The following UVRAG variants were observed in gnomAD, a reference collection of about 807,000 sequenced individuals.
The protein encoded by UVRAG is UV radiation resistance-associated gene protein.
A neutral mutation model predicts 78.0 loss-of-function variants in UVRAG; 19 were observed. The observed-to-expected ratio is 0.24, with a 90% CI of 0.17 to 0.36. UVRAG has a LOEUF of 0.36. UVRAG is among the 10% of genes least tolerant of loss of function. The pLI, the probability that UVRAG is intolerant of heterozygous loss-of-function variation, is 1.00. For missense variants in UVRAG, 740 were observed against 853.8 expected (o/e 0.87, Z 1.66); for synonymous variants, 323 against 324.6 (o/e 1.00, Z 0.05).
At chr11:75,963,861 A>G (rs1290246662) in intron 7 of UVRAG, among the ~76,000 whole-genome samples, 1 of 152,076 alleles carries the variant, frequency 6.6e-6, no homozygotes, top group Non-Finnish European at 1.5e-5. Context: ...AGATCTCACT[A>G]TGTTGTCTGG....
At chr11:76,026,335 A>C (rs1480943538) in intron 12 of UVRAG, among the ~76,000 whole-genome samples, 1 of 152,140 alleles carries the variant, frequency 6.6e-6, no homozygotes, top group Admixed American at 6.6e-5. Context: ...ACCTGTTGAC[A>C]ACATCTTATA....
Position 75,928,443 on chromosome 11 carries a change from A to G in UVRAG, c.593+16404A>G, listed in dbSNP as rs185012875. Reference sequence around the variant, plus strand: ...TGTCCCAGAGGTCAAAGTAAATTAAATATTTCTAAGAGAGTGATTAATTGA... The same window carrying G: ...TGTCCCAGAGGTCAAAGTAAATTAAGTATTTCTAAGAGAGTGATTAATTGA... On this transcript the variant is annotated intron_variant, in intron 6 of 14. Coordinates refer to ENST00000356136, the MANE Select transcript of UVRAG (RefSeq NM_003369.4). 3.6e-3 allele frequency among the ~76,000 whole-genome samples: 555 copies of G among 152,272 alleles called. 6 individuals carry two copies. Among genetic ancestry groups the G allele is most frequent in the Non-Finnish European group, 3.5e-3 (240 of 68,008 alleles).
chr11:76,111,776 C>T (rs577129113), intron 13 of UVRAG, among the ~76,000 whole-genome samples: 2 of 152,050 alleles, frequency 1.3e-5, no homozygotes, highest in Admixed American at 6.5e-5. Flanking sequence ...TGAACCCTCC[C>T]CCCACAGCCA....
chr11:75,906,663 C>T (rs1040815174), intron 5 of UVRAG, among the ~76,000 whole-genome samples: 1 of 152,106 alleles, frequency 6.6e-6, no homozygotes, highest in Non-Finnish European at 1.5e-5. Context: ...TATGGTTTTA[C>T]AGTTAAGTCT....
chr11:75,867,375 A>T (rs1319439590), intron 3 of UVRAG, among the ~76,000 whole-genome samples: 1 of 152,242 alleles, frequency 6.6e-6, no homozygotes, highest in Admixed American at 6.5e-5. Flanking sequence ...CTGCTTTTGT[A>T]TGAATGAAAT....
rs953376930 is a variant in UVRAG, at chr11:75,951,357, G to A, written c.594-10087G>A. 5.9e-3 allele frequency among the ~76,000 whole-genome samples: 738 copies of A among 125,096 alleles called. 6 individuals carry two copies. Among genetic ancestry groups the A allele is most frequent in the African/African-American group, 0.024 (693 of 28,942 alleles). The allele number at this position is 125,096 out of a possible 152,430, so 82.1% of individuals were successfully genotyped here. A position where few individuals can be genotyped will look rare whatever the true frequency, so the allele number is the denominator to read the frequency against. ...TGTGTGTGTGTGTGTGTGTGTGTGTGTGTATATATTTTTTGTTTGTTTGTT... is the reference window on the plus strand; with the variant it reads ...TGTGTGTGTGTGTGTGTGTGTGTGTATGTATATATTTTTTGTTTGTTTGTT... On this transcript the variant is annotated intron_variant, in intron 6 of 14. Coordinates refer to ENST00000356136, the MANE Select transcript of UVRAG (RefSeq NM_003369.4).
At chr11:76,140,387 T>C (rs1357526717) in intron 14 of UVRAG, among the ~76,000 whole-genome samples, 1 of 152,026 alleles carries the variant, frequency 6.6e-6, no homozygotes, top group East Asian at 1.9e-4. Flanking sequence ...CCTTCACATG[T>C]TTTTCTTGCT....
intron 9 of UVRAG, among the ~76,000 whole-genome samples, chr11:76,006,534 C>A (rs1162099679): frequency 1.3e-5 from 2 of 151,636 alleles, no homozygotes; most frequent in Non-Finnish European, 1.5e-5. Flanking sequence ...GTTGGGCATA[C>A]CTGTAGTCCC....
At chr11:76,137,662 G>A in intron 14 of UVRAG, 1 of 355,618 alleles carries the variant, frequency 2.8e-6, no homozygotes, top group Non-Finnish European at 5.5e-6. Context: ...ATTTTGGGAG[G>A]CCAAGGCAAG....
intron 6 of UVRAG, among the ~76,000 whole-genome samples, chr11:75,951,955 T>C (rs1184072459): frequency 6.6e-6 from 1 of 152,248 alleles, no homozygotes; most frequent in Non-Finnish European, 1.5e-5. Flanking sequence ...CTTAATAATA[T>C]CGTATCTTCC....
intron 6 of UVRAG, among the ~76,000 whole-genome samples, chr11:75,953,471 C>T (rs748686159): frequency 2.6e-5 from 4 of 152,048 alleles, no homozygotes; most frequent in Non-Finnish European, 5.9e-5. Context: ...TCCTGTATTT[C>T]TTCTCCCTTT....
At chr11:75,884,236 CTCTT>C (rs1555080654) in intron 4 of UVRAG, among the ~76,000 whole-genome samples, 1 of 148,864 alleles carries the variant, frequency 6.7e-6, no homozygotes, top group Non-Finnish European at 1.5e-5. Flanking sequence ...CTCTCTCTCT[CTCTT>C]TCTCTCTCTC....
chr11:75,857,904 C>T (rs1946329959), intron 2 of UVRAG, among the ~76,000 whole-genome samples: 1 of 151,080 alleles, frequency 6.6e-6, no homozygotes, highest in Non-Finnish European at 1.5e-5. Context: ...TGTGATTATT[C>T]TCCTCTGTCT....
intron 1 of UVRAG, among the ~76,000 whole-genome samples, chr11:75,841,705 A>T (rs1350885556): frequency 6.6e-6 from 1 of 152,120 alleles, no homozygotes; most frequent in Non-Finnish European, 1.5e-5. Context: ...AAATTTGATA[A>T]TTTTTTGCTA....
intron 3 of UVRAG, among the ~76,000 whole-genome samples, chr11:75,868,009 A>G (rs939459632): frequency 6.6e-6 from 1 of 152,192 alleles, no homozygotes; most frequent in African/African-American, 2.4e-5. Context: ...TGATTTTACT[A>G]TTTCTAAAAT....
At chr11:76,024,763 T>A (rs1950300203) in intron 12 of UVRAG, among the ~76,000 whole-genome samples, 1 of 152,200 alleles carries the variant, frequency 6.6e-6, no homozygotes. Flanking sequence ...TGATTATGCT[T>A]ATGCCTCAGT....
Position 75,982,720 on chromosome 11 carries a change from T to G in UVRAG, c.700-667T>G, listed in dbSNP as rs113202850. On this transcript the variant is annotated intron_variant, in intron 7 of 14. Transcript: ENST00000356136. ...AATCTACTTTTTGTTTCTATGGATT[T>G]GCCTATTCTGGACATTTCATATAAA... Among the ~76,000 whole-genome samples, 708 of 152,342 alleles carry G rather than the reference T, an allele frequency of 4.6e-3. 8 individuals carry two copies. Among genetic ancestry groups the G allele is most frequent in the African/African-American group, 0.016 (686 of 41,580 alleles).
chr11:76,105,543 T>C (rs935437106), intron 13 of UVRAG, among the ~76,000 whole-genome samples: 2 of 152,112 alleles, frequency 1.3e-5, no homozygotes, highest in Non-Finnish European at 2.9e-5. Flanking sequence ...AGTCCAGGGA[T>C]TCAAGACCAG....
intron 13 of UVRAG, among the ~76,000 whole-genome samples, chr11:76,073,416 GA>G (rs1951351492): frequency 6.6e-6 from 1 of 152,132 alleles, no homozygotes; most frequent in Admixed American, 6.5e-5. Context: ...TCTCTTAAAG[GA>G]AATCAACTGA....
Sources: gnomAD v4.1 joint callset for allele counts (sites outside exome capture counted in the v4.1 genomes callset) on GRCh38, gnomAD v4.1.1 for gene constraint, MANE v1.5 for transcripts, NCBI Gene and HGNC (gene_info 2026-07-23, HGNC 2026-07-21) for gene names.